The following CYP7B1 variants were observed in gnomAD, a reference collection of about 807,000 sequenced individuals.
CYP7B1 encodes the protein cytochrome P450 7B1.
Under a neutral mutation model 42.7 loss-of-function variants are expected in CYP7B1, and 29 were observed. That is an observed-to-expected ratio of 0.68 (90% CI 0.51 to 0.93). The LOEUF (loss-of-function observed/expected upper bound fraction) is 0.93, where lower values mean the gene tolerates loss of function less well. Among genes scored for constraint, CYP7B1 ranks in the 40% least tolerant of loss-of-function variants. The pLI is 0.00. For missense variants in CYP7B1, 655 were observed against 600.5 expected, an observed-to-expected ratio of 1.09 and a Z score of -0.95; for synonymous variants, 235 against 218.2, an observed-to-expected ratio of 1.08 and a Z score of -0.68.
At position 64,604,760 on chromosome 8, in the gene CYP7B1, G is replaced by T; in HGVS notation, c.1155C>A (p.Tyr385Ter). Residue 385 changes from tyrosine (Y) to a stop codon, truncating the protein, a stop_gained, in exon 5 of 6, where the codon TAC becomes TAA. Transcript: ENST00000310193. LOFTEE classifies it high-confidence loss of function. ...DLTLSSETGD[Y>*]CVRKGDLVAI... is the part of the protein sequence containing the mutation. ...CTACCAAGTCTCCCTTTCGCACACA[G>T]TAGTCCCCGGTCTCTGAACTGAGAG... The T allele has an allele frequency of 1.2e-6, 2 of 1,614,140 alleles. No homozygotes were observed. The highest frequency in any genetic ancestry group is 1.7e-6 in the Non-Finnish European group (2 of 1,180,028).
intron 1 of CYP7B1, among the ~76,000 whole-genome samples, chr8:64,637,642 A>G (rs926190452): frequency 1.3e-5 from 2 of 152,196 alleles, no homozygotes; most frequent in African/African-American, 4.8e-5. Context: ...TCTATTATAG[A>G]TAACCTCTTA....
intron 1 of CYP7B1, among the ~76,000 whole-genome samples, chr8:64,678,832 T>A (rs1806491289): frequency 6.6e-6 from 1 of 151,830 alleles, no homozygotes; most frequent in East Asian, 1.9e-4. Context: ...TCCCAAGAAA[T>A]TGGAACTCTT....
At chr8:64,773,652 A>G (rs1045690487) in intron 1 of CYP7B1, among the ~76,000 whole-genome samples, 16 of 152,208 alleles carry the variant, frequency 1.1e-4, no homozygotes, top group African/African-American at 3.6e-4. Flanking sequence ...TTGCTATAAC[A>G]GAATACCACA....
chr8:64,685,022 CA>C (rs550326848), intron 1 of CYP7B1, among the ~76,000 whole-genome samples: 2 of 152,176 alleles, frequency 1.3e-5, no homozygotes, highest in Non-Finnish European at 2.9e-5. Flanking sequence ...GCCAGATCCT[CA>C]AAAAGTTAAA....
chr8:64,775,218 T>C (rs1178581259), intron 1 of CYP7B1, among the ~76,000 whole-genome samples: 1 of 152,176 alleles, frequency 6.6e-6, no homozygotes, highest in Non-Finnish European at 1.5e-5. Context: ...ATGTTTTTCA[T>C]GGCCTGAACT....
chr8:64,766,126 C>A (rs1162143717), intron 1 of CYP7B1, among the ~76,000 whole-genome samples: 2 of 152,068 alleles, frequency 1.3e-5, no homozygotes, highest in Non-Finnish European at 2.9e-5. Flanking sequence ...CCAGTGTAGA[C>A]CCTCACTGGG....
chr8:64,738,993 G>A (rs1807531220), intron 1 of CYP7B1, among the ~76,000 whole-genome samples: 1 of 152,214 alleles, frequency 6.6e-6, no homozygotes, highest in Admixed American at 6.5e-5. Context: ...TTCTCACAGA[G>A]AAGAGCTAAA....
downstream of CYP7B1, among the ~76,000 whole-genome samples, chr8:64,590,240 G>C (rs1379177512): frequency 1.3e-5 from 2 of 152,148 alleles, no homozygotes; most frequent in African/African-American, 4.8e-5. Context: ...CGGAGTCTCA[G>C]GCCAGTCCCT....
chr8:64,662,192 G>A (rs895507358), intron 1 of CYP7B1, among the ~76,000 whole-genome samples: 1 of 152,218 alleles, frequency 6.6e-6, no homozygotes, highest in Middle Eastern at 3.4e-3. Context: ...AAATTGCTGG[G>A]TGCAGTGGTA....
At position 64,615,885 on chromosome 8, in the gene CYP7B1, A is replaced by C. The variant is rs1339583030; in HGVS notation, c.656T>G (p.Phe219Cys). The C allele has an allele frequency of 1.9e-6, 3 of 1,613,688 alleles. No homozygotes were observed. The highest frequency in any genetic ancestry group is 2.5e-6 in the Non-Finnish European group (3 of 1,179,778). The change falls in exon 3 of 6, where the codon TTT becomes TGT. Residue 219 changes from phenylalanine to cysteine, a missense_variant. Coordinates refer to ENST00000310193, the MANE Select transcript of CYP7B1 (RefSeq NM_004820.5). The stretch of plus-strand genomic sequence containing the variant: ...TACTAAATATGCAAACTTGTCATCA[A>C]ATTTTAAAAAATCATCTCTTAGCTC... Reference protein sequence around the residue: ...ISELRDDFLKFDDKFAYLVSN... With the variant: ...ISELRDDFLKCDDKFAYLVSN...
At chr8:64,607,765 G>C (rs1381628521) in intron 4 of CYP7B1, among the ~76,000 whole-genome samples, 1 of 152,176 alleles carries the variant, frequency 6.6e-6, no homozygotes, top group African/African-American at 2.4e-5. Context: ...AATTAAAGAT[G>C]ATCTCTATCT....
intron 1 of CYP7B1, among the ~76,000 whole-genome samples, chr8:64,639,647 C>T (rs192167532): frequency 4.6e-5 from 7 of 152,178 alleles, no homozygotes; most frequent in Admixed American, 4.6e-4. Flanking sequence ...CTGGAACTCT[C>T]ATACAGGGCT....
intron 1 of CYP7B1, among the ~76,000 whole-genome samples, chr8:64,648,390 C>T (rs191040146): frequency 9.9e-5 from 15 of 152,270 alleles, no homozygotes; most frequent in African/African-American, 2.2e-4. Context: ...AGAAATACAA[C>T]GCTATTTAAT....
intron 1 of CYP7B1, among the ~76,000 whole-genome samples, chr8:64,758,510 T>C (rs565438191): frequency 2.6e-5 from 4 of 152,166 alleles, no homozygotes; most frequent in South Asian, 2.1e-4. Flanking sequence ...TTGTTTCACA[T>C]TGTTATTAAG....
At chr8:64,692,483 A>G (rs1806762314) in intron 1 of CYP7B1, among the ~76,000 whole-genome samples, 1 of 152,194 alleles carries the variant, frequency 6.6e-6, no homozygotes, top group African/African-American at 2.4e-5. Context: ...GCAACAGAAA[A>G]TGGTCATGGA....
intron 1 of CYP7B1, among the ~76,000 whole-genome samples, chr8:64,738,014 G>A (rs185511506): frequency 6.6e-6 from 1 of 152,244 alleles, no homozygotes; most frequent in East Asian, 1.9e-4. Context: ...GCAAATGTAT[G>A]TCTTACCTTC....
downstream of CYP7B1, among the ~76,000 whole-genome samples, chr8:64,588,437 A>G (rs1363823902): frequency 6.6e-6 from 1 of 152,252 alleles, no homozygotes; most frequent in Non-Finnish European, 1.5e-5. Context: ...TCAATCTTAA[A>G]GATTTCATTT....
chr8:64,760,401 C>T (rs1479470098), intron 1 of CYP7B1, among the ~76,000 whole-genome samples: 2 of 151,696 alleles, frequency 1.3e-5, no homozygotes, highest in Non-Finnish European at 2.9e-5. Flanking sequence ...AACAAAGGAA[C>T]CATAATAAAA....
intron 1 of CYP7B1, among the ~76,000 whole-genome samples, chr8:64,624,958 T>A (rs1436280835): frequency 5.1e-5 from 1 of 19,742 alleles, no homozygotes; most frequent in South Asian, 2.9e-3. Flanking sequence ...ATTCTTTTTT[T>A]TTTTTTTTTT....
Sources: allele counts gnomAD v4.1 joint callset (sites outside exome capture counted in the v4.1 genomes callset), GRCh38; gene constraint gnomAD v4.1.1; transcripts MANE v1.5; gene names NCBI Gene and HGNC (gene_info 2026-07-23, HGNC 2026-07-21).